NUP58: variants seen among roughly 807,000 people sequenced by gnomAD.
The protein encoded by NUP58 is nucleoporin p58/p45.
NUP58 carries 17 observed loss-of-function variants against 70.1 expected under a neutral mutation model. That is an observed-to-expected ratio of 0.24 (90% CI 0.17 to 0.36). NUP58 has a LOEUF of 0.36. NUP58 is among the 10% of genes least tolerant of loss of function. The probability of loss-of-function intolerance (pLI) is 1.00; values close to 1 mark genes in which losing one functional copy is unlikely to be tolerated. For synonymous variants in NUP58, 275 were observed against 257.6 expected, an observed-to-expected ratio of 1.07 and a Z score of -0.65; for missense variants, 644 against 701.5, an observed-to-expected ratio of 0.92 and a Z score of 0.93.
intron 9 of NUP58, among the ~76,000 whole-genome samples, chr13:25,324,677 A>G (rs926242952): frequency 3.9e-5 from 6 of 152,254 alleles, no homozygotes; most frequent in East Asian, 3.9e-4. Flanking sequence ...CTGCGTTTAT[A>G]TTAATGATTT....
intron 9 of NUP58, among the ~76,000 whole-genome samples, chr13:25,323,975 T>C (rs1223774246): frequency 6.6e-6 from 1 of 152,168 alleles, no homozygotes; most frequent in Non-Finnish European, 1.5e-5. Context: ...ATCTGTCCAG[T>C]GTAGAATACC....
intron 1 of NUP58, chr13:25,302,930 C>T: frequency 2.2e-6 from 1 of 455,896 alleles, no homozygotes; most frequent in Non-Finnish European, 4.4e-6. Flanking sequence ...TTTCCAGTTC[C>T]ACAACCCTGC....
At chr13:25,345,226 A>G (rs1215018599), downstream of NUP58, among the ~76,000 whole-genome samples, 3 of 152,196 alleles carry the variant, frequency 2.0e-5, no homozygotes, top group Non-Finnish European at 4.4e-5. Flanking sequence ...TAGCTAAGTC[A>G]TAGGGCTGGG....
chr13:25,322,675 A>G (rs771506064), intron 9 of NUP58, among the ~76,000 whole-genome samples: 2 of 152,200 alleles, frequency 1.3e-5, no homozygotes, highest in Non-Finnish European at 2.9e-5. Context: ...CCTATTCCCA[A>G]GGTGCCTGAT....
At chr13:25,318,466 T>G (rs1006091896) in intron 6 of NUP58, among the ~76,000 whole-genome samples, 1 of 152,184 alleles carries the variant, frequency 6.6e-6, no homozygotes, top group Non-Finnish European at 1.5e-5. Flanking sequence ...TCTCTGAAAT[T>G]GAGATACATC....
intron 2 of NUP58, 113 bp downstream of exon 2, chr13:25,308,061 G>T: frequency 1.7e-6 from 2 of 1,204,882 alleles, no homozygotes; most frequent in East Asian, 2.4e-5. Context: ...CTTAAAAAAT[G>T]GTAAATGCTA....
chr13:25,344,154 A>C (rs1255372284), downstream of NUP58, among the ~76,000 whole-genome samples: 2 of 152,094 alleles, frequency 1.3e-5, no homozygotes, highest in Non-Finnish European at 2.9e-5. Flanking sequence ...ATTGCTTATT[A>C]TATCCTTTGG....
intron 6 of NUP58, 105 bp downstream of exon 6, chr13:25,315,572 A>C (rs1257023375): frequency 4.1e-6 from 3 of 733,896 alleles, no homozygotes; most frequent in East Asian, 2.5e-5. Flanking sequence ...TATATTTAGT[A>C]GTAACAGTTA....
intron 3 of NUP58, among the ~76,000 whole-genome samples, chr13:25,312,285 A>G (rs1483129334): frequency 6.6e-6 from 1 of 152,188 alleles, no homozygotes; most frequent in East Asian, 1.9e-4. Flanking sequence ...CTGAGAGGGA[A>G]AGGAGGAGGA....
At chr13:25,302,061 C>A in intron 1 of NUP58, among the ~76,000 whole-genome samples, 181 bp downstream of exon 1, 1 of 152,226 alleles carries the variant, frequency 6.6e-6, no homozygotes, top group East Asian at 1.9e-4. Context: ...GGGCCCAGCG[C>A]GGCCTGGTGA....
chr13:25,312,478 G>A (rs767705860), intron 3 of NUP58, among the ~76,000 whole-genome samples: 1 of 151,982 alleles, frequency 6.6e-6, no homozygotes, highest in Non-Finnish European at 1.5e-5. Context: ...AGTGACTCTC[G>A]TACCTCAGCC....
In NUP58 at chr13:25,327,016, T is replaced by G; in HGVS notation, c.1132T>G (p.Ser378Ala). Residue 378 changes from serine (S) to alanine (A), a missense_variant, in exon 11 of 16, where the codon TCA becomes GCA. This residue lies in a region of NUP58 where 78 missense variants were observed against 71.3 expected (regional missense o/e 1.09). Transcript: ENST00000381736. ...ENHLATQANNSHITPQDLSMA... is the reference protein window; with the variant it reads ...ENHLATQANNAHITPQDLSMA... ...CCATCTTGCCACTCAAGCAAATAAT[T>G]CACATATAACCCCTCAAGGTAACAT... 6.3e-7 allele frequency: 1 copy of G among 1,595,128 alleles called. No individual in the cohort carries two copies. Among genetic ancestry groups the G allele is most frequent in the Non-Finnish European group, 8.6e-7 (1 of 1,166,032 alleles).
chr13:25,315,371 G>A lies in NUP58; in HGVS notation c.589G>A (p.Ala197Thr). 1 of 1,613,122 alleles carries A rather than the reference G, an allele frequency of 6.2e-7. No homozygotes were observed. Among genetic ancestry groups the A allele is most frequent in the Non-Finnish European group, 8.5e-7 (1 of 1,179,180 alleles). The change falls in exon 6 of 16, where the codon GCT (alanine) becomes ACT (threonine). Residue 197 changes from alanine to threonine, a missense_variant. Physicochemically the swap from Ala to Thr is moderately conservative, Grantham distance 58. Around this residue, in one of 4 missense-constraint regions of NUP58, gnomAD observed 430 missense variants for 409.2 expected, o/e 1.05. Coordinates refer to ENST00000381736, the MANE Select transcript of NUP58 (RefSeq NM_014089.4). ...NTGTSGLGQN[A>T]LGLTLGTTAA... is the part of the protein sequence containing the mutation. ...TTTATTTATAGGACTTGGACAGAAT[G>A]CTTTAGGGTTGACTTTGGGAACTAC...
At chr13:25,344,892 T>G (rs2137853969), downstream of NUP58, among the ~76,000 whole-genome samples, 1 of 152,342 alleles carries the variant, frequency 6.6e-6, no homozygotes, top group East Asian at 1.9e-4. Context: ...CTACCTTTTC[T>G]GTGAATAAGG....
intron 4 of NUP58, 84 bp downstream of exon 4, chr13:25,313,116 C>G: frequency 7.0e-7 from 1 of 1,432,032 alleles, no homozygotes; most frequent in Non-Finnish European, 9.5e-7. Flanking sequence ...CACCTTACTA[C>G]AGAAATTATT....
chr13:25,326,076 A>T (rs1417022937), intron 10 of NUP58, among the ~76,000 whole-genome samples: 1 of 152,188 alleles, frequency 6.6e-6, no homozygotes, highest in Non-Finnish European at 1.5e-5. Context: ...ATGCTAAAGT[A>T]CTTCAGTGGA....
At chr13:25,327,633 G>A (rs2031447275) in intron 12 of NUP58, 121 bp downstream of exon 12, 5 of 564,624 alleles carry the variant, frequency 8.9e-6, no homozygotes, top group South Asian at 7.6e-5. Flanking sequence ...GTGAAAAGAT[G>A]AAAACTACTA....
At chr13:25,334,401 G>A (rs1197009949) in intron 13 of NUP58, 2 of 985,366 alleles carry the variant, frequency 2.0e-6, no homozygotes, top group African/African-American at 3.5e-5. Flanking sequence ...CTGTTTTAAG[G>A]AGAGCCAAGA....
downstream of NUP58, among the ~76,000 whole-genome samples, chr13:25,345,422 A>G (rs1017343498): frequency 1.3e-5 from 2 of 152,134 alleles, no homozygotes; most frequent in South Asian, 2.1e-4. Context: ...ACCTAGGTCT[A>G]TGTGATTTAA....
Sources: gnomAD v4.1 joint callset for allele counts (sites outside exome capture counted in the v4.1 genomes callset) on GRCh38, gnomAD v4.1.1 for gene constraint, gnomAD v4.1.1 regional missense constraint, MANE v1.5 for transcripts, NCBI Gene and HGNC (gene_info 2026-07-23, HGNC 2026-07-21) for gene names.